Variants in CCDC171 observed in about 807,000 individuals in gnomAD.
CCDC171 encodes the protein coiled-coil domain containing 171, also known as coiled-coil domain-containing protein 171.
CCDC171 carries 177 observed loss-of-function variants against 168.2 expected under a neutral mutation model. The observed-to-expected ratio is 1.05, with a 90% confidence interval of 0.93 to 1.19. The LOEUF (loss-of-function observed/expected upper bound fraction) is 1.19. Among genes scored for constraint, CCDC171 ranks in the 50% most tolerant of loss-of-function variants. The probability of loss-of-function intolerance (pLI) is 0.00; values close to 1 mark genes in which losing one functional copy is unlikely to be tolerated. For missense variants in CCDC171, 1,991 were observed against 1,539.0 expected, an observed-to-expected ratio of 1.29 and a Z score of -4.91; for synonymous variants, 687 against 540.8, an observed-to-expected ratio of 1.27 and a Z score of -3.75.
intron 9 of CCDC171, among the ~76,000 whole-genome samples, chr9:15,671,067 G>T (rs1253802514): frequency 6.6e-6 from 1 of 152,146 alleles, no homozygotes; most frequent in Non-Finnish European, 1.5e-5. Context: ...ACTTCAGTGT[G>T]GGCGACCAAG....
At position 15,623,879 on chromosome 9, in the gene CCDC171, A is replaced by G. The variant is rs376863387; in HGVS notation, c.822+466A>G. Among the ~76,000 whole-genome samples the G allele has an allele frequency of 2.6e-5, 4 of 152,336 alleles. 1 individual carries two copies. The highest frequency in any genetic ancestry group is 1.3e-4 in the Admixed American group (2 of 15,294). ...TTACTTGGGAAAGGAGCATCAATTT[A>G]CAGATGAAAAACAGGATTTTTATTC... On this transcript the variant is annotated intron_variant, in intron 7 of 25. Transcript: ENST00000380701.
chr9:15,920,164 AGTT>A (rs1191470235), intron 24 of CCDC171, 103 bp from the exon 25 acceptor site: 4 of 603,644 alleles, frequency 6.6e-6, no homozygotes, highest in Non-Finnish European at 1.1e-5. Flanking sequence ...AAAGATGAAA[AGTT>A]GTTTATTTTA....
At chr9:16,050,399 G>A (rs991339325) in intron 1 of CCDC171, among the ~76,000 whole-genome samples, 7 of 152,208 alleles carry the variant, frequency 4.6e-5, no homozygotes, top group Non-Finnish European at 1.5e-5. Flanking sequence ...CATAATCACT[G>A]TCCAAATACA....
At chr9:15,810,903 A>T (rs2059325210) in intron 21 of CCDC171, among the ~76,000 whole-genome samples, 1 of 152,250 alleles carries the variant, frequency 6.6e-6, no homozygotes, top group Non-Finnish European at 1.5e-5. Context: ...GCAGACGCTG[A>T]GGCCGAGGAG....
In CCDC171 at chr9:16,026,661, A is replaced by G. The variant is rs368269274; in HGVS notation, n.998+3753A>G. ...TGAGTAAGGACATTTCTCTGCCCCA[A>G]CTTCCAGAGGCAGGAGATTAGACAG... On this transcript the variant is annotated intron_variant and non_coding_transcript_variant, in intron 6 of 9. Coordinates refer to the CCDC171 transcript ENST00000486641. 4.6e-5 allele frequency among the ~76,000 whole-genome samples: 7 copies of G among 152,268 alleles called. 1 individual carries two copies. The highest frequency in any genetic ancestry group is 4.1e-4 in the South Asian group (2 of 4,822).
chr9:15,657,032 T>A, intron 7 of CCDC171, 95 bp from the exon 8 acceptor site: 1 of 537,408 alleles, frequency 1.9e-6, no homozygotes. Flanking sequence ...GCAAGTCCAC[T>A]AATCTAAAGT....
intron 4 of CCDC171, among the ~76,000 whole-genome samples, chr9:16,021,083 A>G (rs1326440035): frequency 6.6e-6 from 1 of 152,196 alleles, no homozygotes; most frequent in Admixed American, 6.5e-5. Context: ...TCCACTTTCA[A>G]TAAGACAATT....
intron 10 of CCDC171, among the ~76,000 whole-genome samples, chr9:15,691,451 A>T (rs992286893): frequency 6.8e-6 from 1 of 147,970 alleles, no homozygotes; most frequent in Non-Finnish European, 1.5e-5. Context: ...ATTTTTCTCT[A>T]TTTGTTTTTT....
chr9:15,971,683 G>T lies in CCDC171; in HGVS notation c.3828G>T (p.Gly1276=). 6.2e-7 allele frequency: 1 copy of T among 1,613,714 alleles called. No individual in the cohort carries two copies. The highest frequency in any genetic ancestry group is 8.5e-7 in the Non-Finnish European group (1 of 1,179,840). Reference sequence around the variant, plus strand: ...TTCCTGCTGACACAACTGGTATTGGGGATTTCTTACCATTGAAAGCTGAAC... The same window carrying T: ...TTCCTGCTGACACAACTGGTATTGGTGATTTCTTACCATTGAAAGCTGAAC... The part of the protein sequence containing the change: ...APLPADTTGI[G]DFLPLKAELD... The change falls in exon 26 of 26, where the codon GGG becomes GGT. Residue 1276 remains glycine (G), a synonymous_variant. Coordinates refer to ENST00000380701, the MANE Select transcript of CCDC171 (RefSeq NM_173550.4).
At chr9:16,028,600 T>A (rs1833316097) in intron 6 of CCDC171, among the ~76,000 whole-genome samples, 1 of 152,072 alleles carries the variant, frequency 6.6e-6, no homozygotes, top group Non-Finnish European at 1.5e-5. Flanking sequence ...CTCCTGTCAG[T>A]TTTGTTAAAT....
chr9:15,780,181 C>T (rs190957125), intron 20 of CCDC171, among the ~76,000 whole-genome samples: 1 of 152,252 alleles, frequency 6.6e-6, no homozygotes, highest in African/African-American at 2.4e-5. Context: ...CAAAGAGTTC[C>T]TATGAATTAG....
chr9:15,935,271 G>A (rs1399703436), intron 25 of CCDC171, among the ~76,000 whole-genome samples: 1 of 152,012 alleles, frequency 6.6e-6, no homozygotes, highest in Non-Finnish European at 1.5e-5. Flanking sequence ...AGTGGAAAGA[G>A]CATGACAGAG....
At chr9:15,657,602 C>T (rs2048034083) in intron 8 of CCDC171, among the ~76,000 whole-genome samples, 1 of 152,066 alleles carries the variant, frequency 6.6e-6, no homozygotes, top group Non-Finnish European at 1.5e-5. Context: ...AAAAAATGTG[C>T]ATGTTATTTA....
chr9:16,089,012 T>C, the CCDC171 span, among the ~76,000 whole-genome samples: 1 of 151,852 alleles, frequency 6.6e-6, no homozygotes, highest in East Asian at 1.9e-4. Flanking sequence ...CCAAAACAGA[T>C]ATATAGACCA....
chr9:15,813,060 G>C (rs1046893901), intron 21 of CCDC171, among the ~76,000 whole-genome samples: 74 of 152,112 alleles, frequency 4.9e-4, no homozygotes, highest in African/African-American at 1.4e-3. Flanking sequence ...TACTGAAATG[G>C]GTATTTGGTG....
intron 25 of CCDC171, among the ~76,000 whole-genome samples, chr9:15,950,981 C>G (rs1486519582): frequency 6.6e-6 from 1 of 151,078 alleles, no homozygotes; most frequent in East Asian, 2.0e-4. Flanking sequence ...ATTCTAGTCT[C>G]TGATAAAACA....
intron 21 of CCDC171, among the ~76,000 whole-genome samples, chr9:15,802,806 G>A (rs1026792520): frequency 1.3e-5 from 2 of 152,022 alleles, no homozygotes; most frequent in African/African-American, 4.8e-5. Context: ...TGGTATTTCT[G>A]GTTCTTGGTC....
chr9:15,744,131 A>G, intron 16 of CCDC171, 142 bp from the exon 17 acceptor site: 1 of 658,954 alleles, frequency 1.5e-6, no homozygotes, highest in Non-Finnish European at 2.5e-6. Context: ...TATCTTATTT[A>G]TATTTTGGAT....
intron 1 of CCDC171, among the ~76,000 whole-genome samples, chr9:15,562,459 A>T (rs576314747): frequency 1.3e-5 from 2 of 152,180 alleles, no homozygotes; most frequent in Non-Finnish European, 2.9e-5. Context: ...TGAGCTATGG[A>T]AGATGCTATC....
Sources: gnomAD v4.1 joint callset for allele counts (sites outside exome capture counted in the v4.1 genomes callset) on GRCh38, gnomAD v4.1.1 for gene constraint, MANE v1.5 for transcripts, NCBI Gene and HGNC (gene_info 2026-07-23, HGNC 2026-07-21) for gene names.